The following CCDC83 variants were observed in gnomAD, a reference collection of about 807,000 sequenced individuals.
CCDC83 encodes the protein coiled-coil domain containing 83.
CCDC83 carries 54 observed loss-of-function variants against 50.1 expected under a neutral mutation model. The observed-to-expected ratio is 1.08, with a 90% CI of 0.87 to 1.35. CCDC83 has a LOEUF of 1.35. CCDC83 is among the 40% of genes most tolerant of loss of function. The pLI is 0.00. For synonymous variants in CCDC83, 161 were observed against 153.3 expected (o/e 1.05, Z -0.37); for missense variants, 518 against 473.9 (o/e 1.09, Z -0.86).
chr11:85,915,225 C>T (rs1021293004), intron 8 of CCDC83, among the ~76,000 whole-genome samples, 194 bp from the exon 9 acceptor site: 11 of 152,196 alleles, frequency 7.2e-5, no homozygotes, highest in Non-Finnish European at 1.2e-4. Flanking sequence ...AATTACCCAT[C>T]ATGGTACACA....
chr11:85,868,623 GGCCTCCCAAAGTGCTGGGA>G (rs1270270256), intron 2 of CCDC83, among the ~76,000 whole-genome samples: 5 of 152,212 alleles, frequency 3.3e-5, no homozygotes, highest in Admixed American at 1.3e-4. Flanking sequence ...CTCCTGCCTT[GGCCTCCCAAAGTGCTGGGA>G]GCCTCCCAAA....
intron 7 of CCDC83, among the ~76,000 whole-genome samples, chr11:85,907,772 C>T (rs2093432217): frequency 6.6e-6 from 1 of 152,138 alleles, no homozygotes; most frequent in Non-Finnish European, 1.5e-5. Context: ...TAAAGGGATA[C>T]GTGATGTCAT....
chr11:85,900,779 A>T (rs1164208268), intron 7 of CCDC83, among the ~76,000 whole-genome samples: 1 of 152,182 alleles, frequency 6.6e-6, no homozygotes, highest in Non-Finnish European at 1.5e-5. Flanking sequence ...ACTCAAAATA[A>T]TCTGGCCAGG....
intron 5 of CCDC83, 65 bp downstream of exon 5, chr11:85,886,432 GA>G: frequency 7.7e-7 from 1 of 1,298,914 alleles, no homozygotes; most frequent in Non-Finnish European, 1.0e-6. Flanking sequence ...TACATTGATG[GA>G]AGAAAAAAGT....
At chr11:85,898,120 A>G (rs969655428) in intron 6 of CCDC83, among the ~76,000 whole-genome samples, 9 of 151,162 alleles carry the variant, frequency 6.0e-5, no homozygotes, top group African/African-American at 2.2e-4. Flanking sequence ...TCACACTATC[A>G]CACTCCAGCC....
chr11:85,860,906 C>T (rs998079715), intron 1 of CCDC83, among the ~76,000 whole-genome samples: 34 of 152,156 alleles, frequency 2.2e-4, no homozygotes, highest in Admixed American at 2.2e-3. Flanking sequence ...ACTGCATGTT[C>T]TCACTATAAG....
At chr11:85,870,543 T>C (rs1412462905) in intron 2 of CCDC83, among the ~76,000 whole-genome samples, 4 of 152,098 alleles carry the variant, frequency 2.6e-5, no homozygotes, top group African/African-American at 9.7e-5. Flanking sequence ...AATGTAAGCT[T>C]TAGGTAAGAA....
chr11:85,884,071 G>A (rs1442679130), intron 4 of CCDC83, among the ~76,000 whole-genome samples: 1 of 152,122 alleles, frequency 6.6e-6, no homozygotes, highest in African/African-American at 2.4e-5. Context: ...AGCTGTGCTC[G>A]CTAAACTGCC....
At chr11:85,871,405 T>C (rs1392196417) in intron 2 of CCDC83, among the ~76,000 whole-genome samples, 2 of 152,186 alleles carry the variant, frequency 1.3e-5, no homozygotes, top group African/African-American at 2.4e-5. Context: ...TCAAGTTTCA[T>C]AGTATCCAAA....
At chr11:85,898,848 C>T in intron 6 of CCDC83, 99 bp from the exon 7 acceptor site, 1 of 840,224 alleles carries the variant, frequency 1.2e-6, no homozygotes, top group South Asian at 1.5e-5. Context: ...ATTGCAGACA[C>T]AATCTAAAAT....
At chr11:85,899,161 C>A in intron 7 of CCDC83, 146 bp downstream of exon 7, 1 of 590,628 alleles carries the variant, frequency 1.7e-6, no homozygotes. Flanking sequence ...GTCCTCATCT[C>A]ATTACAAGCT....
chr11:85,904,670 G>A (rs901846837), intron 7 of CCDC83, among the ~76,000 whole-genome samples: 2 of 152,024 alleles, frequency 1.3e-5, no homozygotes, highest in Admixed American at 1.3e-4. Flanking sequence ...ATATTTTCAC[G>A]TGGATGTCCC....
chr11:85,881,931 G>C (rs1592154626), intron 3 of CCDC83, among the ~76,000 whole-genome samples: 4 of 152,006 alleles, frequency 2.6e-5, no homozygotes, highest in Admixed American at 1.3e-4. Context: ...ATGTCTCTTG[G>C]AAATTTGGGA....
Position 85,868,189 on chromosome 11 carries a change from G to A in CCDC83, c.95+2971G>A, listed in dbSNP as rs369241865. Among the ~76,000 whole-genome samples the A allele has an allele frequency of 2.5e-4, 38 of 152,202 alleles. 3 individuals carry two copies. In the South Asian group the frequency reaches 7.9e-3, roughly 32 times the overall value. ...TTTGTGAAGAGCTGATACTACCAATGTTCAGTCTATAAAATTATCGTCTCT... is the reference window on the plus strand; with the variant it reads ...TTTGTGAAGAGCTGATACTACCAATATTCAGTCTATAAAATTATCGTCTCT... On this transcript the variant is annotated intron_variant, in intron 2 of 10. Coordinates refer to ENST00000342404, the MANE Select transcript of CCDC83 (RefSeq NM_001286159.2).
At chr11:85,880,052 T>C (rs1281914001) in intron 3 of CCDC83, among the ~76,000 whole-genome samples, 1 of 152,212 alleles carries the variant, frequency 6.6e-6, no homozygotes, top group Non-Finnish European at 1.5e-5. Flanking sequence ...CCTCTTACTT[T>C]ATTCTTGTTT....
rs558692946 is a variant in CCDC83, at chr11:85,858,469, T to C, written c.-29+2885T>C. On this transcript the variant is annotated intron_variant, in intron 1 of 10. Transcript: ENST00000342404. ...AGAGCAAATGGCACCCACTTTGTGA[T>C]TGGTTTGTCAGTGTCCCCTATTGAC... is the stretch of plus-strand genomic sequence containing the variant. Among the ~76,000 whole-genome samples, 10 of 152,294 alleles carry C rather than the reference T, an allele frequency of 6.6e-5. No homozygotes were observed. In the South Asian group the frequency reaches 2.1e-3, roughly 32 times the overall value.
intron 3 of CCDC83, among the ~76,000 whole-genome samples, chr11:85,879,672 T>C (rs1162023163): frequency 2.0e-5 from 3 of 151,886 alleles, no homozygotes; most frequent in Non-Finnish European, 2.9e-5. Context: ...CAAGCTGGAG[T>C]GCAGTGGCAT....
At chr11:85,871,178 C>A (rs1329244073) in intron 2 of CCDC83, among the ~76,000 whole-genome samples, 1 of 151,988 alleles carries the variant, frequency 6.6e-6, no homozygotes. Flanking sequence ...AAAAAACAAA[C>A]AAACAAACAA....
At chr11:85,863,925 C>T (rs557923485) in intron 1 of CCDC83, among the ~76,000 whole-genome samples, 4 of 152,368 alleles carry the variant, frequency 2.6e-5, no homozygotes, top group Admixed American at 2.6e-4. Flanking sequence ...ATCTCAGACA[C>T]TATGCTAGGT....
Sources: gnomAD v4.1 joint callset for allele counts (sites outside exome capture counted in the v4.1 genomes callset) on GRCh38, gnomAD v4.1.1 for gene constraint, MANE v1.5 for transcripts, NCBI Gene and HGNC (gene_info 2026-07-23, HGNC 2026-07-21) for gene names.